The following PCDH7 variants were observed in gnomAD, a reference collection of about 807,000 sequenced individuals.
PCDH7 encodes the protein protocadherin-7.
A neutral mutation model predicts 58.9 loss-of-function variants in PCDH7; 17 were observed. The observed-to-expected ratio is 0.29, with a 90% CI of 0.20 to 0.43. The LOEUF (loss-of-function observed/expected upper bound fraction) is 0.43, where lower values mean the gene tolerates loss of function less well. PCDH7 is among the 20% of genes least tolerant of loss of function. The pLI, the probability that PCDH7 is intolerant of heterozygous loss-of-function variation, is 1.00. For synonymous variants in PCDH7, 664 were observed against 616.4 expected, an observed-to-expected ratio of 1.08 and a Z score of -1.14; for missense variants, 1,274 against 1,441.0, an observed-to-expected ratio of 0.88 and a Z score of 1.88.
intron 1 of PCDH7, among the ~76,000 whole-genome samples, chr4:30,876,818 A>G (rs971970564): frequency 2.0e-5 from 3 of 151,984 alleles, no homozygotes; most frequent in African/African-American, 7.3e-5. Flanking sequence ...TACATGTGCC[A>G]TGGTGGTTTG....
chr4:30,899,428 C>A (rs1392308516), intron 1 of PCDH7, among the ~76,000 whole-genome samples: 1 of 152,040 alleles, frequency 6.6e-6, no homozygotes, highest in Non-Finnish European at 1.5e-5. Flanking sequence ...TATCTAGGTC[C>A]CAGCTCCTTA....
chr4:30,864,073 C>T (rs1341679159), intron 1 of PCDH7, among the ~76,000 whole-genome samples: 1 of 152,088 alleles, frequency 6.6e-6, no homozygotes, highest in Non-Finnish European at 1.5e-5. Flanking sequence ...CAGAGGAATT[C>T]TGCAACCAGA....
chr4:31,097,613 T>TAC (rs1714257461), intron 3 of PCDH7, among the ~76,000 whole-genome samples: 2 of 35,248 alleles, frequency 5.7e-5, no homozygotes, highest in African/African-American at 5.3e-4. Context: ...TATATATATA[T>TAC]ATATATATAT....
At chr4:30,813,148 G>C (rs1330536666) in intron 1 of PCDH7, among the ~76,000 whole-genome samples, 1 of 152,282 alleles carries the variant, frequency 6.6e-6, no homozygotes, top group East Asian at 1.9e-4. Flanking sequence ...AAGAATACCA[G>C]CCTCTCATAT....
intron 1 of PCDH7, among the ~76,000 whole-genome samples, chr4:30,844,345 G>C (rs1253498257): frequency 6.6e-5 from 10 of 152,094 alleles, no homozygotes; most frequent in Admixed American, 6.6e-4. Context: ...ATAACAAATA[G>C]TATAATCAGC....
chr4:31,089,893 G>T (rs566758780), intron 3 of PCDH7, among the ~76,000 whole-genome samples: 49 of 152,064 alleles, frequency 3.2e-4, no homozygotes, highest in Non-Finnish European at 6.9e-4. Context: ...CATTTCCGTC[G>T]AGTACATTTG....
At chr4:31,031,063 G>A (rs1011321909) in intron 3 of PCDH7, among the ~76,000 whole-genome samples, 1 of 152,128 alleles carries the variant, frequency 6.6e-6, no homozygotes, top group African/African-American at 2.4e-5. Context: ...GACAAATGGG[G>A]TTATTTGAAG....
intron 3 of PCDH7, among the ~76,000 whole-genome samples, chr4:31,078,068 A>G (rs1759155817): frequency 6.6e-6 from 1 of 152,142 alleles, no homozygotes; most frequent in South Asian, 2.1e-4. Context: ...ACAAGGGTCA[A>G]TTGGTGTGAT....
intron 1 of PCDH7, among the ~76,000 whole-genome samples, chr4:30,870,639 A>G (rs1316970998): frequency 6.6e-6 from 1 of 152,058 alleles, no homozygotes; most frequent in African/African-American, 2.4e-5. Context: ...TAGATGTGTT[A>G]TTGCCTCCAG....
intron 3 of PCDH7, among the ~76,000 whole-genome samples, chr4:31,094,402 C>T (rs2109289589): frequency 6.6e-6 from 1 of 152,102 alleles, no homozygotes; most frequent in African/African-American, 2.4e-5. Context: ...ATAAGGACAT[C>T]TTATAACAAA....
At chr4:31,097,296 A>G (rs1278513379) in intron 3 of PCDH7, among the ~76,000 whole-genome samples, 3 of 151,574 alleles carry the variant, frequency 2.0e-5, no homozygotes, top group African/African-American at 4.8e-5. Context: ...GTCTCTAGTA[A>G]AAATACAAAA....
chr4:31,146,733 G>C (rs1336736311), downstream of PCDH7: 2 of 152,072 alleles, frequency 1.3e-5, no homozygotes, highest in Non-Finnish European at 2.9e-5. Flanking sequence ...CTTTTGTACA[G>C]TTTTATGTAA....
chr4:30,764,743 A>G (rs1285818687), intron 1 of PCDH7, among the ~76,000 whole-genome samples: 1 of 150,954 alleles, frequency 6.6e-6, no homozygotes, highest in Non-Finnish European at 1.5e-5. Context: ...GTTTGTTTTG[A>G]CAGAGACTTG....
At chr4:30,909,062 A>C (rs1560491797) in intron 1 of PCDH7, among the ~76,000 whole-genome samples, 1 of 152,206 alleles carries the variant, frequency 6.6e-6, no homozygotes, top group Non-Finnish European at 1.5e-5. Flanking sequence ...TCAGATAAAC[A>C]GAACCAATGA....
At chr4:30,960,250 G>A (rs1055799264) in intron 3 of PCDH7, among the ~76,000 whole-genome samples, 1 of 152,044 alleles carries the variant, frequency 6.6e-6, no homozygotes, top group African/African-American at 2.4e-5. Context: ...CAAGTAGGGA[G>A]CATGGATAAT....
At chr4:30,773,835 TAATTCTGTGGTCAG>T (rs1721727361) in intron 1 of PCDH7, among the ~76,000 whole-genome samples, 1 of 152,136 alleles carries the variant, frequency 6.6e-6, no homozygotes, top group Non-Finnish European at 1.5e-5. Flanking sequence ...TCTGACCACA[TAATTCTGTGGTCAG>T]AATTATGTCA....
At chr4:30,853,084 G>T (rs191429802) in intron 1 of PCDH7, among the ~76,000 whole-genome samples, 1 of 152,096 alleles carries the variant, frequency 6.6e-6, no homozygotes, top group Non-Finnish European at 1.5e-5. Flanking sequence ...GGAATGTGAG[G>T]GGGATGGGTG....
intron 1 of PCDH7, among the ~76,000 whole-genome samples, chr4:30,830,525 G>A (rs986247015): frequency 6.6e-5 from 10 of 151,622 alleles, no homozygotes; most frequent in Non-Finnish European, 7.4e-5. Flanking sequence ...CATCCTTCAC[G>A]CTCCTTTTGC....
intron 3 of PCDH7, among the ~76,000 whole-genome samples, chr4:31,060,410 T>G (rs1757596002): frequency 6.6e-6 from 1 of 151,772 alleles, no homozygotes; most frequent in South Asian, 2.1e-4. Context: ...GCTAGGTTCT[T>G]AAATGCTTTT....
Sources: allele counts gnomAD v4.1 joint callset (sites outside exome capture counted in the v4.1 genomes callset), GRCh38; gene constraint gnomAD v4.1.1; transcripts MANE v1.5; gene names NCBI Gene and HGNC (gene_info 2026-07-23, HGNC 2026-07-21).